Variants in GALNT6 observed in about 807,000 individuals in gnomAD.
GALNT6 encodes the protein polypeptide N-acetylgalactosaminyltransferase 6.
GALNT6 carries 51 observed loss-of-function variants against 65.9 expected under a neutral mutation model. The observed-to-expected ratio is 0.77, with a 90% confidence interval of 0.62 to 0.98. The LOEUF is 0.98. GALNT6 is among the 50% of genes least tolerant of loss of function. The pLI is 0.00. For synonymous variants in GALNT6, 323 were observed against 315.1 expected (o/e 1.02, Z -0.26); for missense variants, 708 against 803.3 (o/e 0.88, Z 1.43).
chr12:51,380,398 C>G (rs1947625230), intron 2 of GALNT6, among the ~76,000 whole-genome samples: 1 of 152,162 alleles, frequency 6.6e-6, no homozygotes, highest in African/African-American at 2.4e-5. Flanking sequence ...GTGCAGTGCT[C>G]TACAGTGATG....
intron 6 of GALNT6, among the ~76,000 whole-genome samples, chr12:51,363,215 C>A (rs1946982021): frequency 6.6e-6 from 1 of 152,192 alleles, no homozygotes; most frequent in Non-Finnish European, 1.5e-5. Context: ...CACTAAAAGT[C>A]ACTCCTCAAC....
intron 9 of GALNT6, among the ~76,000 whole-genome samples, chr12:51,357,708 C>T (rs1466230925): frequency 1.3e-5 from 2 of 152,094 alleles, no homozygotes; most frequent in African/African-American, 4.8e-5. Context: ...CCCAGGATGC[C>T]AGGTCCCTGG....
intron 4 of GALNT6, among the ~76,000 whole-genome samples, chr12:51,367,040 G>C (rs544311206): frequency 3.3e-5 from 5 of 152,184 alleles, no homozygotes; most frequent in Non-Finnish European, 7.4e-5. Flanking sequence ...GAGGCAGGTG[G>C]ATCACCTGAG....
Position 51,357,409 on chromosome 12 carries a change from C to G in GALNT6, c.1542G>C (p.Glu514Asp), listed in dbSNP as rs201113451. 1.2e-6 allele frequency: 2 copies of G among 1,614,096 alleles called. No homozygotes were observed. Among genetic ancestry groups the G allele is most frequent in the Middle Eastern group, 3.3e-4 (2 of 6,062 alleles). ...TGAGGGGCTTCCCCCCGCGGTTGTT[C>G]TCACCCACATCCAGGCATTGGTTGG... is the stretch of plus-strand genomic sequence containing the variant. ...LGTNQCLDVG[E>D]NNRGGKPLIM... The change falls in exon 10 of 12, where the codon GAG (glutamate) becomes GAC (aspartate). Residue 514 changes from glutamate to aspartate, a missense_variant. Coordinates refer to ENST00000356317, the MANE Select transcript of GALNT6 (RefSeq NM_007210.4).
At chr12:51,388,871 T>C (rs1431924046) in intron 2 of GALNT6, among the ~76,000 whole-genome samples, 1 of 152,230 alleles carries the variant, frequency 6.6e-6, no homozygotes. Flanking sequence ...AGTTGAGGAC[T>C]GGGTTGCTTT....
intron 2 of GALNT6, among the ~76,000 whole-genome samples, chr12:51,384,048 G>C (rs148482587): frequency 1.3e-5 from 2 of 152,134 alleles, no homozygotes; most frequent in Admixed American, 1.3e-4. Context: ...TGCTTTCCTG[G>C]CAAGTGTGCC....
intron 3 of GALNT6, among the ~76,000 whole-genome samples, 165 bp from the exon 4 acceptor site, chr12:51,377,532 C>T (rs986937257): frequency 2.6e-5 from 4 of 152,116 alleles, no homozygotes; most frequent in African/African-American, 4.8e-5. Context: ...CTGTCTTCCC[C>T]GGTATCTGCC....
intron 4 of GALNT6, among the ~76,000 whole-genome samples, chr12:51,375,383 C>G (rs1307200371): frequency 3.9e-5 from 6 of 152,276 alleles, no homozygotes; most frequent in African/African-American, 1.4e-4. Context: ...CTAGCCACGC[C>G]AGGCAGAAAT....
At chr12:51,357,259 C>T in intron 10 of GALNT6, 90 bp downstream of exon 10, 1 of 813,414 alleles carries the variant, frequency 1.2e-6, no homozygotes, top group Non-Finnish European at 2.1e-6. Context: ...GGTATCTCCT[C>T]CCTCCCAGTC....
intron 4 of GALNT6, among the ~76,000 whole-genome samples, chr12:51,369,452 T>A (rs1008320863): frequency 4.5e-4 from 68 of 152,196 alleles, no homozygotes; most frequent in African/African-American, 1.5e-3. Context: ...CACACACTCA[T>A]GTCCCCGCCG....
Position 51,359,212 on chromosome 12 carries a change from G to A in GALNT6, c.1288C>T (p.Arg430Cys), listed in dbSNP as rs780755779. 33 of 1,613,980 alleles carry A rather than the reference G, an allele frequency of 2.0e-5. No individual in the cohort carries two copies. The highest frequency in any genetic ancestry group is 1.5e-4 in the South Asian group (14 of 91,086). ...GTSVIARNQV[R>C]LAEVWMDSYK... ...CTGTCCATCCAGACCTCTGCCAGGC[G>A]CACTTGATTGCGAGCAATGACACTA... The change falls in exon 8 of 12, where the codon CGC (arginine) becomes TGC (cysteine). Residue 430 changes from arginine (R) to cysteine (C), a missense_variant. Transcript: ENST00000356317.
intron 2 of GALNT6, among the ~76,000 whole-genome samples, chr12:51,383,908 G>A (rs1031222418): frequency 3.9e-5 from 6 of 151,968 alleles, no homozygotes; most frequent in Non-Finnish European, 8.8e-5. Flanking sequence ...CGTGGAGGTC[G>A]CCCCTCCACC....
chr12:51,389,273 G>A (rs1947937651), intron 2 of GALNT6, among the ~76,000 whole-genome samples: 1 of 152,208 alleles, frequency 6.6e-6, no homozygotes, highest in Non-Finnish European at 1.5e-5. Context: ...ACACATCCGT[G>A]GGAGCCAGAA....
chr12:51,378,390 C>G (rs1438489004), intron 3 of GALNT6, among the ~76,000 whole-genome samples: 1 of 152,076 alleles, frequency 6.6e-6, no homozygotes, highest in Non-Finnish European at 1.5e-5. Context: ...CTCCTGGCCT[C>G]AAGAGATCCA....
chr12:51,375,028 C>G (rs1444820645), intron 4 of GALNT6, among the ~76,000 whole-genome samples: 1 of 151,726 alleles, frequency 6.6e-6, no homozygotes, highest in East Asian at 1.9e-4. Flanking sequence ...AGGCACATGC[C>G]GTCATGCCAG....
chr12:51,366,390 C>G (rs915700567), intron 4 of GALNT6, among the ~76,000 whole-genome samples: 17 of 152,234 alleles, frequency 1.1e-4, no homozygotes, highest in Non-Finnish European at 1.9e-4. Flanking sequence ...TGGGCATACA[C>G]AAATGGTGAC....
At chr12:51,373,016 G>A (rs1198286440) in intron 4 of GALNT6, among the ~76,000 whole-genome samples, 4 of 152,148 alleles carry the variant, frequency 2.6e-5, no homozygotes, top group African/African-American at 7.2e-5. Flanking sequence ...TTGTATTTAC[G>A]CAATGCCTAT....
chr12:51,385,885 A>T (rs1947823864), intron 2 of GALNT6, among the ~76,000 whole-genome samples: 2 of 151,990 alleles, frequency 1.3e-5, no homozygotes, highest in Admixed American at 6.6e-5. Context: ...CCCAGGCTGA[A>T]GTGTAGTGGC....
At position 51,374,742 on chromosome 12, in the gene GALNT6, G is replaced by C. The variant is rs1217457109; in HGVS notation, c.664+2453C>G. 4.6e-5 allele frequency among the ~76,000 whole-genome samples: 7 copies of C among 152,268 alleles called. No individual in the cohort carries two copies. In the South Asian group the frequency reaches 1.5e-3, roughly 32 times the overall value. On this transcript the variant is annotated intron_variant, in intron 4 of 11. Coordinates refer to ENST00000356317, the MANE Select transcript of GALNT6 (RefSeq NM_007210.4). ...AGCCTAAAGGTGTCTCAGTCCCACA[G>C]CCTTTCCTAGTTCAGGCCCCATCAT... is the stretch of plus-strand genomic sequence containing the variant.
Sources: allele counts gnomAD v4.1 joint callset (sites outside exome capture counted in the v4.1 genomes callset), GRCh38; gene constraint gnomAD v4.1.1; transcripts MANE v1.5; gene names NCBI Gene and HGNC (gene_info 2026-07-23, HGNC 2026-07-21).